Variants in DECR2 observed in about 807,000 individuals in gnomAD.
DECR2 encodes 2,4-dienoyl-CoA reductase 2.
DECR2 carries 34 observed loss-of-function variants against 29.2 expected under a neutral mutation model. The ratio of observed to expected loss-of-function variants is 1.16; its 90% CI spans 0.89 to 1.55. The LOEUF (loss-of-function observed/expected upper bound fraction) is 1.55. Ranked by LOEUF, DECR2 falls within the 40% of genes most tolerant of loss-of-function variation. The probability of loss-of-function intolerance (pLI) is 0.00; values close to 1 mark genes in which losing one functional copy is unlikely to be tolerated. For missense variants in DECR2, 485 were observed against 425.3 expected (o/e 1.14, Z -1.23); for synonymous variants, 224 against 182.7 (o/e 1.23, Z -1.82).
At chr16:402,761 A>G (rs1002502169) in intron 1 of DECR2, among the ~76,000 whole-genome samples, 5 of 151,902 alleles carry the variant, frequency 3.3e-5, no homozygotes, top group African/African-American at 1.2e-4. Context: ...AAGCGGGTAG[A>G]TCACCAGAGG....
chr16:410,757 C>T lies in DECR2; in HGVS notation c.529C>T (p.His177Tyr). Reference protein sequence around the residue: ...LGNRGQALQVHAGSAKAAVDA... With the variant: ...LGNRGQALQVYAGSAKAAVDA... ...GAACCGGGGGCAGGCGCTCCAGGTG[C>T]ATGCAGGCTCCGCCAAGGCCGCTGT... is the stretch of plus-strand genomic sequence containing the variant. Residue 177 changes from histidine to tyrosine, a missense_variant, in exon 6 of 9, where the codon CAT becomes TAT. Physicochemically the swap from His to Tyr is moderately conservative, Grantham distance 83 (BLOSUM62 2). Coordinates refer to ENST00000219481, the MANE Select transcript of DECR2 (RefSeq NM_020664.4). The surrounding 1 kb of genome is among the most constrained non-coding windows in gnomAD (Gnocchi z 4.1). The T allele has an allele frequency of 6.2e-7, 1 of 1,604,864 alleles. No homozygotes were observed. The highest frequency in any genetic ancestry group is 8.5e-7 in the Non-Finnish European group (1 of 1,177,362).
Position 402,178 on chromosome 16 carries a change from TC to T in DECR2, c.80+136del, listed in dbSNP as rs1294126073. On this transcript the variant is annotated intron_variant, in intron 1 of 8. Transcript: ENST00000219481. ...CTGGCTCCTTTCTTTCTTTTTTCTT[TC>T]TTTTTTTTTTTTTGAGACGGAATCT... is the stretch of plus-strand genomic sequence containing the variant. 3.4e-5 allele frequency: 24 copies of T among 703,342 alleles called. No individual in the cohort carries two copies. In the Admixed American group the frequency reaches 4.4e-4, roughly 13 times the overall value. The allele number at this position is 703,342 out of a possible 1,614,324, so 43.6% of individuals were successfully genotyped here.
chr16:408,213 C>G (rs2054763989), intron 4 of DECR2, among the ~76,000 whole-genome samples: 2 of 38,180 alleles, frequency 5.2e-5, no homozygotes, highest in Admixed American at 2.8e-4. Context: ...CTCCGGCCCC[C>G]TGTCTCCGGG....
chr16:411,925 A>G lies in DECR2; in HGVS notation c.*36A>G. On this transcript the variant is annotated 3_prime_UTR_variant, in exon 9 of 9. Transcript: ENST00000219481. Reference sequence around the variant, plus strand: ...GCCGCTGCTTCCTGCCGCCTCACTCAGCCAGGTGGAGAGCACCAATCTGAA... The same window carrying G: ...GCCGCTGCTTCCTGCCGCCTCACTCGGCCAGGTGGAGAGCACCAATCTGAA... The G allele has an allele frequency of 3.5e-6, 1 of 287,456 alleles. No individual in the cohort carries two copies. The highest frequency in any genetic ancestry group is 6.5e-6 in the Non-Finnish European group (1 of 153,130). 17.8% of individuals were successfully genotyped at this position (287,456 alleles called of 1,614,324 possible).
intron 3 of DECR2, chr16:406,655 G>A (rs544137453): frequency 3.6e-4 from 224 of 625,828 alleles, no homozygotes; most frequent in African/African-American, 3.4e-3. Context: ...CCGCCACCAC[G>A]CCTGGCTAAT....
At chr16:407,869 C>CCGGGCCTCTG (rs2054749193) in intron 4 of DECR2, among the ~76,000 whole-genome samples, 3 of 134,820 alleles carry the variant, frequency 2.2e-5, no homozygotes, top group Middle Eastern at 4.5e-3. Context: ...CCGGGCGTCT[C>CCGGGCCTCTG]TCTCCGGCCC....
At chr16:402,548 G>A (rs778502519) in intron 1 of DECR2, among the ~76,000 whole-genome samples, 3 of 152,002 alleles carry the variant, frequency 2.0e-5, no homozygotes, top group Non-Finnish European at 2.9e-5. Context: ...TCCTGCAAAC[G>A]CCTTGGTGTT....
intron 2 of DECR2, chr16:405,687 T>C: frequency 2.7e-6 from 3 of 1,117,276 alleles, no homozygotes; most frequent in Non-Finnish European, 3.7e-6. Flanking sequence ...AGGGAATTTG[T>C]GGGCAGAAGC....
At chr16:404,122 T>G (rs190870537) in intron 1 of DECR2, among the ~76,000 whole-genome samples, 267 of 151,502 alleles carry the variant, frequency 1.8e-3, no homozygotes, top group African/African-American at 6.0e-3. Context: ...GCAGTGAGCC[T>G]AGATCATGCC....
chr16:409,439 G>A (rs2054783421), intron 4 of DECR2, among the ~76,000 whole-genome samples: 2 of 151,748 alleles, frequency 1.3e-5, no homozygotes, highest in Admixed American at 1.3e-4. Flanking sequence ...CAAAGTGCTG[G>A]GATTACAGGC....
In DECR2 at chr16:410,425, G is replaced by C; in HGVS notation, c.462+58G>C. 6.3e-7 allele frequency: 1 copy of C among 1,584,790 alleles called. No homozygotes were observed. Among genetic ancestry groups the C allele is most frequent in the Non-Finnish European group, 8.6e-7 (1 of 1,161,756 alleles). On this transcript the variant is annotated intron_variant, in intron 5 of 8. Coordinates refer to ENST00000219481, the MANE Select transcript of DECR2 (RefSeq NM_020664.4). The surrounding 1 kb of genome is among the most constrained non-coding windows in gnomAD (Gnocchi z 4.1). ...TCCGGGTGGGTGCCTCGTGCGCTCT[G>C]TGAGAAGTTCTTCCGGGTGGGTGCC...
chr16:403,159 G>A (rs2054687264), intron 1 of DECR2: 6 of 347,296 alleles, frequency 1.7e-5, no homozygotes, highest in Non-Finnish European at 2.0e-5. Context: ...GCCCAAGTGG[G>A]ACTATAGGCA....
chr16:407,071 G>C (rs117125640), intron 3 of DECR2: 17,020 of 1,084,340 alleles, frequency 0.016, 151 homozygotes, highest in Non-Finnish European at 0.017. Context: ...GCTCACCTGG[G>C]TTATTTAGGT....
In DECR2 at chr16:410,741, G is replaced by T. The variant is rs745349366; in HGVS notation, c.513G>T (p.Gly171=). 4 of 1,607,726 alleles carry T rather than the reference G, an allele frequency of 2.5e-6. 1 individual carries two copies. The South Asian group carries it at 3.3e-5, about 13-fold the overall frequency. The change falls in exon 6 of 9, where the codon GGG becomes GGT. Residue 171 remains glycine, a synonymous_variant. Transcript: ENST00000219481. This position sits in a 1 kb window ranked among gnomAD's most constrained non-coding sequence, Gnocchi z 4.1. The part of the protein sequence containing the change: ...VNITATLGNR[G]QALQVHAGSA... ...TCACTGCCACCCTGGGGAACCGGGG[G>T]CAGGCGCTCCAGGTGCATGCAGGCT...
chr16:411,118 C>T (rs2054813685), intron 7 of DECR2, 42 bp downstream of exon 7: 6 of 1,458,548 alleles, frequency 4.1e-6, no homozygotes, highest in Non-Finnish European at 5.4e-6. Flanking sequence ...AGATCCTCTC[C>T]TGGGGCACAG....
chr16:402,073 C>CT (rs2054672885), intron 1 of DECR2, 30 bp downstream of exon 1: 3 of 1,326,534 alleles, frequency 2.3e-6, no homozygotes, highest in Non-Finnish European at 1.9e-6. Context: ...CGAGCGCAGC[C>CT]TTGGTGCGGG....
intron 1 of DECR2, among the ~76,000 whole-genome samples, chr16:403,403 C>T (rs1267432335): frequency 4.6e-5 from 7 of 152,112 alleles, no homozygotes; most frequent in African/African-American, 1.7e-4. Flanking sequence ...ACAGTTTGTG[C>T]CAGTCATACC....
Position 401,951 on chromosome 16 carries a change from C to G in DECR2, c.-13C>G. 1 of 1,482,076 alleles carries G rather than the reference C, an allele frequency of 6.7e-7. No individual in the cohort carries two copies. Among genetic ancestry groups the G allele is most frequent in the Non-Finnish European group, 8.9e-7 (1 of 1,123,450 alleles). The allele number at this position is 1,482,076 out of a possible 1,614,324, so 91.8% of individuals were successfully genotyped here. A position where few individuals can be genotyped will look rare whatever the true frequency, so the allele number is the denominator to read the frequency against. On this transcript the variant is annotated 5_prime_UTR_variant, in exon 1 of 9. Coordinates refer to ENST00000219481, the MANE Select transcript of DECR2 (RefSeq NM_020664.4). ...TCCCGCCCGTTGTCCCCGCAGTCCC[C>G]GACGGGAGCGCCATGGCCCAGCCGC...
chr16:407,680 G>T, intron 4 of DECR2, 120 bp downstream of exon 4: 1 of 1,493,852 alleles, frequency 6.7e-7, no homozygotes, highest in Non-Finnish European at 9.0e-7. Flanking sequence ...CTGTGCTGGG[G>T]TGGGCTGCAC....
Sources: gnomAD v4.1 joint callset for allele counts (sites outside exome capture counted in the v4.1 genomes callset) on GRCh38, gnomAD v4.1.1 for gene constraint, Gnocchi (gnomAD v3.1) non-coding constraint, MANE v1.5 for transcripts, NCBI Gene and HGNC (gene_info 2026-07-23, HGNC 2026-07-21) for gene names.